FHIP1A: variants seen among roughly 807,000 people sequenced by gnomAD.
FHIP1A encodes FHF complex subunit HOOK-interacting protein 1A.
In FHIP1A, 61 loss-of-function variants were observed where a neutral mutation model predicts 88.6. The ratio of observed to expected loss-of-function variants is 0.69; its 90% CI spans 0.56 to 0.85. The LOEUF (loss-of-function observed/expected upper bound fraction) is 0.85. Among genes scored for constraint, FHIP1A ranks in the 40% least tolerant of loss-of-function variants. The probability of loss-of-function intolerance (pLI) is 0.00; values close to 1 mark genes in which losing one functional copy is unlikely to be tolerated. For synonymous variants in FHIP1A, 478 were observed against 496.0 expected, an observed-to-expected ratio of 0.96 and a Z score of 0.48; for missense variants, 1,154 against 1,273.5, an observed-to-expected ratio of 0.91 and a Z score of 1.43.
chr4:151,597,371 A>G (rs1734690234), intron 7 of FHIP1A, among the ~76,000 whole-genome samples: 1 of 152,110 alleles, frequency 6.6e-6, no homozygotes, highest in Admixed American at 6.5e-5. Flanking sequence ...GCAGAACAGC[A>G]AAGATTGCTA....
At position 151,649,880 on chromosome 4, in the gene FHIP1A, C is replaced by G; in HGVS notation, c.1839C>G (p.Pro613=). The G allele has an allele frequency of 6.4e-7, 1 of 1,551,592 alleles. No individual in the cohort carries two copies. Among genetic ancestry groups the G allele is most frequent in the Non-Finnish European group, 8.7e-7 (1 of 1,146,968 alleles). Residue 613 remains proline, a synonymous_variant, in exon 11 of 14, where the codon CCC becomes CCG. Transcript: ENST00000435205. ...EVSGPPAPID[P]PKHIQEMKKN... Reference sequence around the variant, plus strand: ...CAGGCCCCCCAGCACCCATTGATCCCCCCAAACACATCCAGGAGATGAAGA... The same window carrying G: ...CAGGCCCCCCAGCACCCATTGATCCGCCCAAACACATCCAGGAGATGAAGA...
At chr4:151,557,507 G>A (rs532787717) in intron 3 of FHIP1A, among the ~76,000 whole-genome samples, 5 of 152,272 alleles carry the variant, frequency 3.3e-5, no homozygotes, top group African/African-American at 1.2e-4. Flanking sequence ...AGCATAGATA[G>A]CCTGAAACCA....
At chr4:151,580,116 A>C (rs1733965125) in intron 5 of FHIP1A, among the ~76,000 whole-genome samples, 1 of 152,196 alleles carries the variant, frequency 6.6e-6, no homozygotes, top group Non-Finnish European at 1.5e-5. Context: ...TGTAGAGTCC[A>C]ATAAAAGATA....
At chr4:151,592,222 C>T (rs1020807424) in intron 7 of FHIP1A, among the ~76,000 whole-genome samples, 1 of 152,190 alleles carries the variant, frequency 6.6e-6, no homozygotes, top group Admixed American at 6.5e-5. Flanking sequence ...GCAAACTCCG[C>T]CTCCCAGGTT....
At chr4:151,561,136 A>G (rs565840068) in intron 3 of FHIP1A, among the ~76,000 whole-genome samples, 3 of 152,258 alleles carry the variant, frequency 2.0e-5, no homozygotes, top group East Asian at 1.9e-4. Context: ...GTTTTGAAGC[A>G]TGTATTTTCC....
At chr4:151,465,105 G>GGATC (rs1729263052) in intron 2 of FHIP1A, among the ~76,000 whole-genome samples, 3 of 152,140 alleles carry the variant, frequency 2.0e-5, no homozygotes, top group Admixed American at 2.0e-4. Context: ...CTACTAGAGA[G>GGATC]GATCCCTTGA....
intron 1 of FHIP1A, among the ~76,000 whole-genome samples, chr4:151,414,811 C>T (rs1732822060): frequency 6.6e-6 from 1 of 152,150 alleles, no homozygotes. Flanking sequence ...TCTCCTACTT[C>T]CTTTCCAATT....
intron 3 of FHIP1A, among the ~76,000 whole-genome samples, chr4:151,499,913 A>T (rs1196171673): frequency 6.6e-6 from 1 of 152,206 alleles, no homozygotes; most frequent in Non-Finnish European, 1.5e-5. Context: ...AGATTATGGG[A>T]ACTACAATTC....
intron 1 of FHIP1A, among the ~76,000 whole-genome samples, chr4:151,452,936 G>GTATATATATATATATATATATATATATA (rs111734450): frequency 2.1e-5 from 3 of 146,208 alleles, no homozygotes; most frequent in African/African-American, 7.8e-5. Flanking sequence ...ACATTGAAAC[G>GTATATATATATATATATATATATATATA]TATATATATA....
chr4:151,592,443 C>T (rs1734475815), intron 7 of FHIP1A, among the ~76,000 whole-genome samples: 2 of 152,186 alleles, frequency 1.3e-5, no homozygotes, highest in Admixed American at 1.3e-4. Context: ...TGTTCCCTGA[C>T]TTTTTAATGA....
At chr4:151,441,710 A>G (rs1306840402) in intron 1 of FHIP1A, among the ~76,000 whole-genome samples, 3 of 152,188 alleles carry the variant, frequency 2.0e-5, no homozygotes, top group African/African-American at 7.2e-5. Flanking sequence ...AGTTACTTCC[A>G]TGTATGTAAA....
intron 3 of FHIP1A, among the ~76,000 whole-genome samples, chr4:151,534,209 C>T (rs1731982788): frequency 6.6e-6 from 1 of 152,186 alleles, no homozygotes; most frequent in African/African-American, 2.4e-5. Flanking sequence ...TTGCAAACTC[C>T]AGTTTTCTCA....
intron 3 of FHIP1A, among the ~76,000 whole-genome samples, chr4:151,486,033 G>A (rs1005663287): frequency 4.6e-5 from 7 of 152,204 alleles, no homozygotes; most frequent in African/African-American, 1.7e-4. Context: ...ATCATCAGGC[G>A]TTAGTTAGAT....
chr4:151,657,171 G>A (rs1015657447), intron 13 of FHIP1A, among the ~76,000 whole-genome samples: 1 of 152,164 alleles, frequency 6.6e-6, no homozygotes, highest in Non-Finnish European at 1.5e-5. Flanking sequence ...GAGCTGATGT[G>A]TAGGGTATTG....
chr4:151,624,817 G>T (rs2126870045), intron 7 of FHIP1A, among the ~76,000 whole-genome samples: 1 of 152,286 alleles, frequency 6.6e-6, no homozygotes, highest in East Asian at 1.9e-4. Flanking sequence ...AGGCATAGGG[G>T]AGCCGACGGG....
chr4:151,600,766 G>A (rs957416274), intron 7 of FHIP1A, among the ~76,000 whole-genome samples: 3 of 152,064 alleles, frequency 2.0e-5, no homozygotes, highest in African/African-American at 7.2e-5. Context: ...GGCTGCTTGG[G>A]CATCTTCACA....
intron 6 of FHIP1A, among the ~76,000 whole-genome samples, chr4:151,587,325 G>T (rs532907719): frequency 7.2e-5 from 11 of 152,190 alleles, no homozygotes; most frequent in South Asian, 2.1e-4. Context: ...CTGAATTCTT[G>T]TGTATTTGGC....
chr4:151,445,434 A>G (rs1183670410), intron 1 of FHIP1A, among the ~76,000 whole-genome samples: 1 of 151,944 alleles, frequency 6.6e-6, no homozygotes, highest in Non-Finnish European at 1.5e-5. Context: ...TTGGTGATTG[A>G]ACTCTATTTG....
chr4:151,426,061 C>G (rs1486276823), intron 1 of FHIP1A, among the ~76,000 whole-genome samples: 1 of 152,024 alleles, frequency 6.6e-6, no homozygotes, highest in Non-Finnish European at 1.5e-5. Context: ...ATTTTTCTGC[C>G]TATCTTTAAT....
Sources: gnomAD v4.1 joint callset for allele counts (sites outside exome capture counted in the v4.1 genomes callset) on GRCh38, gnomAD v4.1.1 for gene constraint, MANE v1.5 for transcripts, NCBI Gene and HGNC (gene_info 2026-07-23, HGNC 2026-07-21) for gene names.